FREM3: variants seen among roughly 807,000 people sequenced by gnomAD.
FREM3 encodes the protein FRAS1-related extracellular matrix protein 3.
In FREM3, 105 loss-of-function variants were observed where a neutral mutation model predicts 129.1. The observed-to-expected ratio is 0.81, with a 90% CI of 0.69 to 0.96. FREM3 has a LOEUF of 0.96. Among genes scored for constraint, FREM3 ranks in the 40% least tolerant of loss-of-function variants. The pLI, the probability that FREM3 is intolerant of heterozygous loss-of-function variation, is 0.00. For missense variants in FREM3, 2,593 were observed against 2,666.3 expected (o/e 0.97, Z 0.61); for synonymous variants, 1,014 against 1,044.9 (o/e 0.97, Z 0.57).
At chr4:143,680,500 G>A (rs530701518) in intron 2 of FREM3, among the ~76,000 whole-genome samples, 16 of 151,902 alleles carry the variant, frequency 1.1e-4, no homozygotes, top group Admixed American at 2.6e-4. Context: ...GAAATATGTC[G>A]GGCATTTTGT....
chr4:143,652,146 CTTTTTTTTTTTTTT>C (rs1030414098), intron 2 of FREM3, among the ~76,000 whole-genome samples: 1 of 58,528 alleles, frequency 1.7e-5, no homozygotes, highest in African/African-American at 7.2e-5. Flanking sequence ...TTTTTCCTTT[CTTTTTTTTTTTTTT>C]TTTTTTTTTT....
At chr4:143,613,112 C>T (rs143887394) in intron 5 of FREM3, among the ~76,000 whole-genome samples, 37 of 152,318 alleles carry the variant, frequency 2.4e-4, no homozygotes, top group Non-Finnish European at 4.9e-4. Context: ...AGGGCACTGA[C>T]TCACAAAGTG....
chr4:143,696,484 T>C lies in FREM3; in HGVS notation c.4192A>G (p.Ile1398Val). 1.3e-6 allele frequency: 2 copies of C among 1,537,700 alleles called. No homozygotes were observed. The highest frequency in any genetic ancestry group is 1.7e-6 in the Non-Finnish European group (2 of 1,147,016). ...CCATCAGTAACATCAAACTTGATAATGTCAACAATCCCTTCTTGGCCTGTG... is the reference window on the plus strand; with the variant it reads ...CCATCAGTAACATCAAACTTGATAACGTCAACAATCCCTTCTTGGCCTGTG... Reference protein sequence around the residue: ...IHTGQEGIVDIIKFDVTDGVN... With the variant: ...IHTGQEGIVDVIKFDVTDGVN... The change falls in exon 1 of 8, where the codon ATT becomes GTT. Residue 1398 changes from isoleucine to valine, a missense_variant. Physicochemically the swap from Ile to Val is conservative, Grantham distance 29. This residue lies in a region of FREM3 where 2,276 missense variants were observed against 2,267.2 expected (regional missense o/e 1.00). Coordinates refer to ENST00000329798, the MANE Select transcript of FREM3 (RefSeq NM_001168235.2).
intron 6 of FREM3, among the ~76,000 whole-genome samples, chr4:143,589,449 T>C (rs1197815827): frequency 2.0e-5 from 3 of 152,322 alleles, no homozygotes; most frequent in East Asian, 3.9e-4. Context: ...AGTTTCAGCT[T>C]TCTACATGTG....
chr4:143,598,529 G>C (rs931657432), intron 6 of FREM3, among the ~76,000 whole-genome samples: 36 of 152,278 alleles, frequency 2.4e-4, no homozygotes, highest in African/African-American at 8.7e-4. Context: ...CCCCAGAAAA[G>C]TCAAGGCATT....
At chr4:143,662,738 C>A (rs539148016) in intron 2 of FREM3, among the ~76,000 whole-genome samples, 1 of 151,906 alleles carries the variant, frequency 6.6e-6, no homozygotes, top group East Asian at 1.9e-4. Context: ...ATAGGTCACT[C>A]AGGACTTGCT....
intron 4 of FREM3, among the ~76,000 whole-genome samples, chr4:143,622,403 C>A (rs1356360737): frequency 7.2e-6 from 1 of 138,870 alleles, no homozygotes. Flanking sequence ...TGGCAATCAT[C>A]TTTTTTTTTT....
chr4:143,594,547 G>A (rs1044581849), intron 6 of FREM3, among the ~76,000 whole-genome samples: 1 of 152,140 alleles, frequency 6.6e-6, no homozygotes, highest in African/African-American at 2.4e-5. Context: ...TTATTACAAA[G>A]TTTGTTGAAA....
chr4:143,690,488 A>C (rs1740445545), intron 2 of FREM3, among the ~76,000 whole-genome samples: 1 of 152,124 alleles, frequency 6.6e-6, no homozygotes, highest in Non-Finnish European at 1.5e-5. Flanking sequence ...TTCTTTTAAC[A>C]GTTTGAATAC....
Position 143,577,670 on chromosome 4 carries a change from T to C in FREM3, c.6361A>G (p.Ile2121Val). Reference protein sequence around the residue: ...AVLGEPNKTTIFIEDTITDCK... With the variant: ...AVLGEPNKTTVFIEDTITDCK... ...TCCGTGATGGTGTCCTCGATGAAAA[T>C]GGTAGTTTTATTTGGTTCTCCAAGC... Residue 2121 changes from isoleucine (I) to valine (V), a missense_variant, in exon 8 of 8, where the codon ATT becomes GTT. By Grantham distance (29) the Ile-to-Val change is conservative. Transcript: ENST00000329798. The C allele has an allele frequency of 6.5e-7, 1 of 1,537,124 alleles. No homozygotes were observed.
intron 6 of FREM3, among the ~76,000 whole-genome samples, chr4:143,608,862 C>T (rs945974527): frequency 6.6e-5 from 10 of 152,020 alleles, no homozygotes; most frequent in African/African-American, 2.4e-4. Context: ...CAAGTTCTTG[C>T]TTCACTAATT....
rs1739858663 is a variant in FREM3 at position 143,666,299 on chromosome 4, G to T, written c.5275+26814C>A. 3.3e-5 allele frequency among the ~76,000 whole-genome samples: 5 copies of T among 152,194 alleles called. No individual in the cohort carries two copies. The South Asian group carries it at 1.0e-3, about 32-fold the overall frequency. Reference sequence around the variant, plus strand: ...ATTATTAGGATATTAAAAAAATTCTGCAACTGCTATGGAAAGCAGTTTGGC... The same window carrying T: ...ATTATTAGGATATTAAAAAAATTCTTCAACTGCTATGGAAAGCAGTTTGGC... On this transcript the variant is annotated intron_variant, in intron 2 of 7. Transcript: ENST00000329798.
intron 6 of FREM3, among the ~76,000 whole-genome samples, chr4:143,589,232 T>G (rs1043540001): frequency 6.6e-6 from 1 of 152,106 alleles, no homozygotes; most frequent in Non-Finnish European, 1.5e-5. Flanking sequence ...TGTGCAGAAG[T>G]TCTTTAGTTT....
At chr4:143,621,001 T>G (rs950177604) in intron 5 of FREM3, 36 bp downstream of exon 5, 1 of 1,532,436 alleles carries the variant, frequency 6.5e-7, no homozygotes, top group African/African-American at 1.4e-5. Flanking sequence ...TCTCATCATC[T>G]TATTCCTATG....
At chr4:143,659,858 T>C (rs1349904104) in intron 2 of FREM3, among the ~76,000 whole-genome samples, 3 of 151,964 alleles carry the variant, frequency 2.0e-5, no homozygotes, top group East Asian at 1.9e-4. Flanking sequence ...TTTCATGTGT[T>C]TTTTGGCTGC....
chr4:143,693,416 C>T (rs759155076), intron 1 of FREM3, among the ~76,000 whole-genome samples: 4 of 152,192 alleles, frequency 2.6e-5, no homozygotes, highest in Admixed American at 6.5e-5. Flanking sequence ...TCACCCCAGT[C>T]AGACTGGTGA....
Position 143,679,269 on chromosome 4 carries a change from G to A in FREM3, c.5275+13844C>T, listed in dbSNP as rs148889460. Among the ~76,000 whole-genome samples, 460 of 152,196 alleles carry A rather than the reference G, an allele frequency of 3.0e-3. 2 individuals carry two copies. Among genetic ancestry groups the A allele is most frequent in the African/African-American group, 0.011 (442 of 41,536 alleles). ...ATGCTAAAAAGAAGGTTACGAGTGT[G>A]CCCATTAATTTTCAAAATACTGTTC... On this transcript the variant is annotated intron_variant, in intron 2 of 7. Transcript: ENST00000329798.
intron 2 of FREM3, among the ~76,000 whole-genome samples, chr4:143,681,515 G>A (rs1222759393): frequency 6.6e-6 from 1 of 152,050 alleles, no homozygotes; most frequent in Non-Finnish European, 1.5e-5. Context: ...TCTGCCAGTG[G>A]CTTTCATAGT....
At chr4:143,603,603 T>A (rs924613059) in intron 6 of FREM3, among the ~76,000 whole-genome samples, 2 of 152,134 alleles carry the variant, frequency 1.3e-5, no homozygotes, top group Admixed American at 6.5e-5. Flanking sequence ...AATGTAAATA[T>A]GTTGATTTGG....
Sources: gnomAD v4.1 joint callset for allele counts (sites outside exome capture counted in the v4.1 genomes callset) on GRCh38, gnomAD v4.1.1 for gene constraint, gnomAD v4.1.1 regional missense constraint, MANE v1.5 for transcripts, NCBI Gene and HGNC (gene_info 2026-07-23, HGNC 2026-07-21) for gene names.